MMRN1: variants seen among roughly 807,000 people sequenced by gnomAD.
MMRN1 encodes the protein multimerin-1.
MMRN1 carries 94 observed loss-of-function variants against 100.7 expected under a neutral mutation model. That is an observed-to-expected ratio of 0.93 (90% confidence interval 0.79 to 1.11). MMRN1 has a LOEUF of 1.11. MMRN1 is among the 50% of genes least tolerant of loss of function. The pLI, the probability that MMRN1 is intolerant of heterozygous loss-of-function variation, is 0.00. For missense variants in MMRN1, 1,606 were observed against 1,439.1 expected, an observed-to-expected ratio of 1.12 and a Z score of -1.88; for synonymous variants, 575 against 505.0, an observed-to-expected ratio of 1.14 and a Z score of -1.86.
intron 1 of MMRN1, among the ~76,000 whole-genome samples, chr4:89,900,276 C>G (rs1578467697): frequency 6.6e-6 from 1 of 152,082 alleles, no homozygotes; most frequent in Non-Finnish European, 1.5e-5. Flanking sequence ...TTGTCACACT[C>G]CAAGATCACT....
At chr4:89,888,298 A>AT (rs1253294457) in intron 1 of MMRN1, among the ~76,000 whole-genome samples, 1 of 151,834 alleles carries the variant, frequency 6.6e-6, no homozygotes, top group African/African-American at 2.4e-5. Flanking sequence ...TTTGAAGGAT[A>AT]TTTTTACAAG....
At position 89,895,320 on chromosome 4, in the gene MMRN1, C is replaced by G; in HGVS notation, c.349C>G (p.Leu117Val). 1 of 1,613,428 alleles carries G rather than the reference C, an allele frequency of 6.2e-7. No homozygotes were observed. The change falls in exon 1 of 8, where the codon CTC (leucine) becomes GTC (valine). Residue 117 changes from leucine (L) to valine (V), a missense_variant. Physicochemically the swap from Leu to Val is conservative, Grantham distance 32. Transcript: ENST00000264790. The part of the protein sequence containing the change: ...EGVVKLQNLT[L>V]PTNASIKFNP... Reference sequence around the variant, plus strand: ...AGTGGTCAAGTTACAGAATCTTACCCTCCCAACCAACGCTAGCATCAAGTT... The same window carrying G: ...AGTGGTCAAGTTACAGAATCTTACCGTCCCAACCAACGCTAGCATCAAGTT...
intron 6 of MMRN1, 113 bp downstream of exon 6, chr4:89,936,911 G>T: frequency 1.1e-6 from 1 of 922,390 alleles, no homozygotes. Flanking sequence ...CTTGAACTTG[G>T]ATAGATAGTC....
intron 5 of MMRN1, among the ~76,000 whole-genome samples, chr4:89,930,139 T>C (rs2110625312): frequency 6.6e-6 from 1 of 152,290 alleles, no homozygotes; most frequent in East Asian, 1.9e-4. Context: ...CACTCAACTA[T>C]TAACATAAAG....
Position 89,934,970 on chromosome 4 carries a change from T to G in MMRN1, c.1290T>G (p.Val430=), listed in dbSNP as rs1307042153. The G allele has an allele frequency of 3.1e-6, 5 of 1,613,630 alleles. No individual in the cohort carries two copies. Among genetic ancestry groups the G allele is most frequent in the Non-Finnish European group, 3.4e-6 (4 of 1,179,748 alleles). ...LESTRQIIQK[V]NESVVSIAAQ... is the part of the protein sequence containing the mutation. Reference sequence around the variant, plus strand: ...GCACCAGGCAAATAATTCAAAAAGTTAATGAATCTGTGGTTTCAATAGCAG... The same window carrying G: ...GCACCAGGCAAATAATTCAAAAAGTGAATGAATCTGTGGTTTCAATAGCAG... The change falls in exon 6 of 8, where the codon GTT becomes GTG. Residue 430 remains valine, a synonymous_variant. Coordinates refer to ENST00000264790, the MANE Select transcript of MMRN1 (RefSeq NM_007351.3).
intron 1 of MMRN1, among the ~76,000 whole-genome samples, chr4:89,897,287 C>T (rs1721236161): frequency 6.6e-6 from 1 of 151,702 alleles, no homozygotes; most frequent in South Asian, 2.1e-4. Context: ...CGGCTCACTG[C>T]AATCTTCGAC....
At chr4:89,905,529 T>G (rs1315063172) in intron 1 of MMRN1, among the ~76,000 whole-genome samples, 1 of 151,544 alleles carries the variant, frequency 6.6e-6, no homozygotes, top group East Asian at 1.9e-4. Context: ...TTATACTTTC[T>G]CAAGTCAGAG....
intron 4 of MMRN1, among the ~76,000 whole-genome samples, chr4:89,927,127 T>C (rs1401351861): frequency 6.6e-6 from 1 of 151,812 alleles, no homozygotes; most frequent in Non-Finnish European, 1.5e-5. Context: ...GGGTCTTTTG[T>C]TGTTCCATAT....
intron 6 of MMRN1, chr4:89,951,404 T>C: frequency 9.6e-6 from 4 of 414,784 alleles, no homozygotes; most frequent in Admixed American, 4.1e-5. Flanking sequence ...TTGCCCACTT[T>C]ACTGAAGGAG....
chr4:89,930,395 T>C (rs1032466585), intron 5 of MMRN1, among the ~76,000 whole-genome samples: 4 of 152,188 alleles, frequency 2.6e-5, no homozygotes, highest in South Asian at 2.1e-4. Flanking sequence ...CTCCCAATTA[T>C]GTTGATCAAG....
At chr4:89,915,016 G>C (rs544888711) in intron 3 of MMRN1, among the ~76,000 whole-genome samples, 2 of 151,658 alleles carry the variant, frequency 1.3e-5, no homozygotes, top group Non-Finnish European at 3.0e-5. Flanking sequence ...TATGAATGCT[G>C]ACAAAATGTG....
intron 1 of MMRN1, among the ~76,000 whole-genome samples, chr4:89,905,126 A>G (rs72870739): frequency 0.013 from 1,949 of 151,716 alleles, 45 homozygotes; most frequent in African/African-American, 0.044. Flanking sequence ...TAACTTTTAT[A>G]TATTTAGGAT....
chr4:89,938,504 T>C (rs1722720717), intron 6 of MMRN1, among the ~76,000 whole-genome samples: 1 of 94,528 alleles, frequency 1.1e-5, no homozygotes, highest in Admixed American at 1.0e-4. Flanking sequence ...TATATATATA[T>C]ATATATATTT....
At chr4:89,943,355 A>G (rs1722892108) in intron 6 of MMRN1, among the ~76,000 whole-genome samples, 1 of 152,120 alleles carries the variant, frequency 6.6e-6, no homozygotes, top group Admixed American at 6.6e-5. Flanking sequence ...GTATTTAGTC[A>G]TTTACTTGAA....
chr4:89,901,394 C>A (rs1721383238), intron 1 of MMRN1, among the ~76,000 whole-genome samples: 1 of 151,286 alleles, frequency 6.6e-6, no homozygotes, highest in South Asian at 2.1e-4. Context: ...AGTTTAATGA[C>A]AAATTAGAAA....
chr4:89,895,482 A>C lies in MMRN1; in HGVS notation c.511A>C (p.Thr171Pro), dbSNP rs374653565. ...TGGAGGCATTGGAGGCGTTGGAGGC[A>C]CTGGAGGCGTGGGAAATCGAGCCCC... ...GTGGIGGVGGTGGVGNRAPRE... is the reference protein window; with the variant it reads ...GTGGIGGVGGPGGVGNRAPRE... The change falls in exon 1 of 8, where the codon ACT becomes CCT. Residue 171 changes from threonine (T) to proline (P), a missense_variant. By Grantham distance (38) the Thr-to-Pro change is conservative. Transcript: ENST00000264790. The C allele has an allele frequency of 3.8e-5, 61 of 1,613,714 alleles. No homozygotes were observed. The highest frequency in any genetic ancestry group is 4.9e-5 in the Non-Finnish European group (58 of 1,179,906).
At chr4:89,903,100 A>G (rs1721444437) in intron 1 of MMRN1, among the ~76,000 whole-genome samples, 1 of 151,904 alleles carries the variant, frequency 6.6e-6, no homozygotes, top group Admixed American at 6.6e-5. Flanking sequence ...CATATCAAGA[A>G]TCTTTTCACT....
Position 89,935,715 on chromosome 4 carries a change from GA to G in MMRN1, c.2039del (p.Asn680IlefsTer2). Reference sequence around the variant, plus strand: ...AGCAATAGTGATAAGGAAAAAGATAGAAAATCTGACTAGTGCTGTCAATAGT... The same window carrying G: ...AGCAATAGTGATAAGGAAAAAGATAGAAATCTGACTAGTGCTGTCAATAGT... ...KEAIVIRKKI[E>X]NLTSAVNSLN... On this transcript the variant is annotated frameshift_variant, in exon 6 of 8. Transcript: ENST00000264790. LOFTEE classifies it high-confidence loss of function. The G allele has an allele frequency of 1.2e-6, 2 of 1,611,768 alleles. No individual in the cohort carries two copies. Among genetic ancestry groups the G allele is most frequent in the East Asian group, 2.2e-5 (1 of 44,744 alleles).
At chr4:89,925,833 T>C (rs1722240679) in intron 4 of MMRN1, among the ~76,000 whole-genome samples, 1 of 152,108 alleles carries the variant, frequency 6.6e-6, no homozygotes, top group Non-Finnish European at 1.5e-5. Flanking sequence ...GTACTCTCTA[T>C]CTCCTTGAGT....
Sources: gnomAD v4.1 joint callset for allele counts (sites outside exome capture counted in the v4.1 genomes callset) on GRCh38, gnomAD v4.1.1 for gene constraint, MANE v1.5 for transcripts, NCBI Gene and HGNC (gene_info 2026-07-23, HGNC 2026-07-21) for gene names.